COL21A1: variants seen among roughly 807,000 people sequenced by gnomAD.
The protein encoded by COL21A1 is collagen type XXI alpha 1 chain, also known as collagen alpha-1(XXI) chain.
A neutral mutation model predicts 137.9 loss-of-function variants in COL21A1; 149 were observed. The ratio of observed to expected loss-of-function variants is 1.08; its 90% CI spans 0.95 to 1.24. The LOEUF is 1.24. COL21A1 is among the 50% of genes most tolerant of loss of function. COL21A1 has a pLI of 0.00. For synonymous variants in COL21A1, 456 were observed against 391.5 expected (o/e 1.16, Z -1.95); for missense variants, 1,167 against 1,158.4 (o/e 1.01, Z -0.11).
chr6:56,376,917 AC>A (rs569189501), intron 1 of COL21A1, among the ~76,000 whole-genome samples: 7 of 146,282 alleles, frequency 4.8e-5, no homozygotes, highest in Non-Finnish European at 1.0e-4. Context: ...TCAGGTGGGC[AC>A]CCACAGTACT....
chr6:56,066,522 C>A (rs1163417307), intron 23 of COL21A1, among the ~76,000 whole-genome samples: 1 of 151,834 alleles, frequency 6.6e-6, no homozygotes, highest in African/African-American at 2.4e-5. Flanking sequence ...TTAAAAACAT[C>A]ATTAAAATAC....
intron 1 of COL21A1, among the ~76,000 whole-genome samples, chr6:56,369,235 C>A (rs1766169530): frequency 6.6e-6 from 1 of 151,362 alleles, no homozygotes; most frequent in Non-Finnish European, 1.5e-5. Flanking sequence ...AAGGACTTAC[C>A]CTAGAAGATA....
At chr6:56,134,125 A>G (rs982235984) in intron 12 of COL21A1, among the ~76,000 whole-genome samples, 1 of 152,224 alleles carries the variant, frequency 6.6e-6, no homozygotes, top group Non-Finnish European at 1.5e-5. Flanking sequence ...GAAAAACCAC[A>G]GACACTCAAT....
chr6:56,276,701 G>T, intron 1 of COL21A1: 2 of 1,437,122 alleles, frequency 1.4e-6, no homozygotes, highest in South Asian at 1.1e-5. Context: ...GTTTAAGATG[G>T]CCTGGGTGAT....
chr6:56,281,281 G>T (rs939464466), intron 1 of COL21A1, among the ~76,000 whole-genome samples: 1 of 152,134 alleles, frequency 6.6e-6, no homozygotes, highest in African/African-American at 2.4e-5. Flanking sequence ...AATGAACTAT[G>T]ATAATATCAA....
chr6:56,386,314 AT>A (rs1179303930), intron 1 of COL21A1, among the ~76,000 whole-genome samples: 1 of 152,182 alleles, frequency 6.6e-6, no homozygotes, highest in African/African-American at 2.4e-5. Flanking sequence ...TTATCCATTC[AT>A]TCGTTGATGA....
Position 56,098,556 on chromosome 6 carries a change from TAA to T in COL21A1, c.1812+2914_1812+2915del, listed in dbSNP as rs1769979737. On this transcript the variant is annotated intron_variant, in intron 17 of 29. Coordinates refer to ENST00000244728, the MANE Select transcript of COL21A1 (RefSeq NM_030820.4). ...ATATATATAAATATATAAATATATA[TAA>T]ATATATAAATATATATAAATATATA... Among the ~76,000 whole-genome samples the T allele has an allele frequency of 3.4e-4, 6 of 17,564 alleles. 2 individuals carry two copies. Among genetic ancestry groups the T allele is most frequent in the Non-Finnish European group, 4.3e-4 (4 of 9,372 alleles). The allele number at this position is 17,564 out of a possible 152,430, so 11.5% of individuals were successfully genotyped here.
chr6:56,359,929 T>C (rs992121819), intron 1 of COL21A1, among the ~76,000 whole-genome samples: 2 of 152,184 alleles, frequency 1.3e-5, no homozygotes, highest in African/African-American at 4.8e-5. Context: ...CATTGCAAAC[T>C]GTGGAATAAT....
At chr6:56,201,066 AT>A (rs1779370458) in intron 1 of COL21A1, among the ~76,000 whole-genome samples, 1 of 151,900 alleles carries the variant, frequency 6.6e-6, no homozygotes, top group Admixed American at 6.6e-5. Flanking sequence ...GATGATGAGC[AT>A]TTTTTCATGT....
At chr6:56,258,776 T>C (rs3846929) in intron 1 of COL21A1, among the ~76,000 whole-genome samples, 38,050 of 152,140 alleles carry the variant, frequency 0.25, 6,108 homozygotes, top group East Asian at 0.67. Flanking sequence ...CTTCATATCT[T>C]AACTCAGTTG....
At chr6:56,068,543 T>C (rs1299520561) in intron 22 of COL21A1, among the ~76,000 whole-genome samples, 1 of 151,620 alleles carries the variant, frequency 6.6e-6, no homozygotes, top group Non-Finnish European at 1.5e-5. Context: ...TTAGTATATT[T>C]GACTTGCATT....
At chr6:56,239,357 T>A (rs977796966) in intron 1 of COL21A1, among the ~76,000 whole-genome samples, 1 of 152,162 alleles carries the variant, frequency 6.6e-6, no homozygotes, top group Non-Finnish European at 1.5e-5. Context: ...AAAGCATGTA[T>A]CTAAGTATTC....
intron 10 of COL21A1, among the ~76,000 whole-genome samples, chr6:56,144,162 C>T (rs1198298304): frequency 6.6e-6 from 1 of 152,188 alleles, no homozygotes; most frequent in Non-Finnish European, 1.5e-5. Flanking sequence ...ATAGAATTCA[C>T]TTTCCTCCTT....
At chr6:56,105,817 G>A (rs540714704) in intron 16 of COL21A1, among the ~76,000 whole-genome samples, 15 of 152,260 alleles carry the variant, frequency 9.9e-5, no homozygotes, top group South Asian at 8.3e-4. Context: ...AATGAGTTAC[G>A]CCTTTTGTTA....
chr6:56,272,083 G>A (rs1168178036), intron 1 of COL21A1, among the ~76,000 whole-genome samples: 1 of 152,244 alleles, frequency 6.6e-6, no homozygotes, highest in South Asian at 2.1e-4. Context: ...CTGCCTACTG[G>A]AGCTGTGAGA....
intron 16 of COL21A1, among the ~76,000 whole-genome samples, chr6:56,102,072 T>C (rs1237805374): frequency 2.0e-5 from 3 of 152,162 alleles, no homozygotes; most frequent in South Asian, 2.1e-4. Flanking sequence ...TAATTGCTTT[T>C]AGTGATATAT....
At chr6:56,071,551 C>A (rs1002881950) in intron 20 of COL21A1, among the ~76,000 whole-genome samples, 2 of 151,660 alleles carry the variant, frequency 1.3e-5, no homozygotes, top group Non-Finnish European at 3.0e-5. Context: ...CCACAACCAA[C>A]TTGGGTTTAC....
At chr6:56,256,908 T>C (rs4119563) in intron 1 of COL21A1, among the ~76,000 whole-genome samples, 38,031 of 151,898 alleles carry the variant, frequency 0.25, 6,100 homozygotes, top group East Asian at 0.67. Flanking sequence ...TAATCAATCA[T>C]ACAAAATACA....
intron 1 of COL21A1, among the ~76,000 whole-genome samples, chr6:56,220,074 C>T (rs1020420053): frequency 3.9e-5 from 6 of 152,176 alleles, no homozygotes; most frequent in African/African-American, 1.2e-4. Flanking sequence ...TGCATTGAAG[C>T]TCAATCAATA....
Sources: gnomAD v4.1 joint callset for allele counts (sites outside exome capture counted in the v4.1 genomes callset) on GRCh38, gnomAD v4.1.1 for gene constraint, MANE v1.5 for transcripts, NCBI Gene and HGNC (gene_info 2026-07-23, HGNC 2026-07-21) for gene names.